Variants in CDC14B observed in about 807,000 individuals in gnomAD.
The protein encoded by CDC14B is cell division cycle 14B, also known as dual specificity protein phosphatase CDC14B.
Under a neutral mutation model 64.2 loss-of-function variants are expected in CDC14B, and 22 were observed. The observed-to-expected ratio is 0.34, with a 90% CI of 0.24 to 0.49. The LOEUF (loss-of-function observed/expected upper bound fraction) is 0.49. Ranked by LOEUF, CDC14B falls within the 20% of genes least tolerant of loss-of-function variation. CDC14B has a pLI of 0.99. For missense variants in CDC14B, 498 were observed against 629.9 expected, an observed-to-expected ratio of 0.79 and a Z score of 2.24; for synonymous variants, 191 against 215.8, an observed-to-expected ratio of 0.89 and a Z score of 1.01.
At chr9:96,505,622 T>C (rs994489119) in intron 13 of CDC14B, among the ~76,000 whole-genome samples, 1 of 149,762 alleles carries the variant, frequency 6.7e-6, no homozygotes, top group Non-Finnish European at 1.5e-5. Flanking sequence ...ATTCACTGGA[T>C]TTATTAATTC....
At chr9:96,543,669 T>G (rs959520976) in intron 5 of CDC14B, among the ~76,000 whole-genome samples, 6 of 152,328 alleles carry the variant, frequency 3.9e-5, no homozygotes, top group African/African-American at 1.4e-4. Flanking sequence ...GCTTCTCCTT[T>G]TTGGCTACCT....
chr9:96,618,400 C>T (rs1417684819), intron 1 of CDC14B: 1 of 488,666 alleles, frequency 2.0e-6, no homozygotes, highest in Non-Finnish European at 4.2e-6. Flanking sequence ...CTGTCAATCC[C>T]AGCAAACCTA....
At chr9:96,549,456 A>C (rs1841473098) in intron 5 of CDC14B, among the ~76,000 whole-genome samples, 1 of 151,984 alleles carries the variant, frequency 6.6e-6, no homozygotes, top group Admixed American at 6.6e-5. Context: ...CATGAGGTCA[A>C]GAGATCAAGA....
intron 4 of CDC14B, among the ~76,000 whole-genome samples, chr9:96,562,043 T>C (rs991115987): frequency 6.6e-6 from 1 of 152,172 alleles, no homozygotes; most frequent in African/African-American, 2.4e-5. Flanking sequence ...TTCCATCATA[T>C]TTACAAATAA....
At chr9:96,573,572 A>G (rs1419075961) in intron 1 of CDC14B, among the ~76,000 whole-genome samples, 1 of 152,242 alleles carries the variant, frequency 6.6e-6, no homozygotes, top group African/African-American at 2.4e-5. Flanking sequence ...AAGAAATGCA[A>G]TTCGAATCAA....
intron 1 of CDC14B, among the ~76,000 whole-genome samples, chr9:96,606,295 T>C (rs1336748997): frequency 8.2e-6 from 1 of 122,098 alleles, no homozygotes; most frequent in Admixed American, 1.1e-4. Context: ...ATCGCACAAC[T>C]GCACTCCAGC....
intron 5 of CDC14B, among the ~76,000 whole-genome samples, chr9:96,544,001 G>T (rs1312156708): frequency 6.6e-6 from 1 of 151,942 alleles, no homozygotes; most frequent in South Asian, 2.1e-4. Flanking sequence ...GGTGGATCAC[G>T]AGGTCAAGAG....
At chr9:96,507,924 G>T (rs1266511663) in intron 13 of CDC14B, among the ~76,000 whole-genome samples, 1 of 151,896 alleles carries the variant, frequency 6.6e-6, no homozygotes, top group Non-Finnish European at 1.5e-5. Context: ...AAATACAGAT[G>T]TATTGTAGGT....
At chr9:96,617,887 C>G (rs1205409111) in intron 1 of CDC14B, among the ~76,000 whole-genome samples, 2 of 152,194 alleles carry the variant, frequency 1.3e-5, no homozygotes, top group Non-Finnish European at 2.9e-5. Flanking sequence ...TAGGCCCACC[C>G]GTTCCCAGCC....
chr9:96,583,443 C>G (rs920293930), intron 1 of CDC14B, among the ~76,000 whole-genome samples: 3 of 149,698 alleles, frequency 2.0e-5, no homozygotes, highest in African/African-American at 7.3e-5. Context: ...GTAGCCCAGG[C>G]TGGAGTGCAA....
chr9:96,587,970 C>T (rs1291028131), intron 1 of CDC14B, among the ~76,000 whole-genome samples: 1 of 152,088 alleles, frequency 6.6e-6, no homozygotes, highest in East Asian at 1.9e-4. Context: ...GACTTCCAGA[C>T]TGCCTACTTT....
chr9:96,566,794 GC>G, intron 1 of CDC14B: 2 of 1,607,096 alleles, frequency 1.2e-6, no homozygotes, highest in Middle Eastern at 1.7e-4. Flanking sequence ...TACCAAAGCT[GC>G]CCCCGCGCCC....
At chr9:96,533,243 A>C (rs1453771214) in intron 9 of CDC14B, among the ~76,000 whole-genome samples, 1 of 152,252 alleles carries the variant, frequency 6.6e-6, no homozygotes, top group Non-Finnish European at 1.5e-5. Flanking sequence ...TGCTGGGATT[A>C]TAGGCGTGAG....
intron 4 of CDC14B, among the ~76,000 whole-genome samples, chr9:96,560,647 G>A (rs1273326746): frequency 6.9e-6 from 1 of 145,356 alleles, no homozygotes. Context: ...GCTGTGGTGC[G>A]ATCTCGGCTC....
chr9:96,512,326 CTTTTTTTT>C (rs776677638), intron 12 of CDC14B, among the ~76,000 whole-genome samples: 1 of 132,092 alleles, frequency 7.6e-6, no homozygotes, highest in African/African-American at 2.7e-5. Flanking sequence ...AATTTTTTTT[CTTTTTTTT>C]TTTTTTTTTA....
intron 9 of CDC14B, among the ~76,000 whole-genome samples, chr9:96,528,519 C>A (rs1295597692): frequency 1.4e-5 from 2 of 145,750 alleles, no homozygotes; most frequent in African/African-American, 5.6e-5. Flanking sequence ...GAAAGTCCAT[C>A]TCAAAAAAAA....
At chr9:96,589,680 C>T (rs1046238657) in intron 1 of CDC14B, among the ~76,000 whole-genome samples, 3 of 151,964 alleles carry the variant, frequency 2.0e-5, no homozygotes, top group Non-Finnish European at 4.4e-5. Context: ...GTTTTTAGGC[C>T]GGGCACGGTG....
intron 1 of CDC14B, among the ~76,000 whole-genome samples, chr9:96,606,055 C>T (rs933512441): frequency 6.6e-6 from 1 of 151,486 alleles, no homozygotes; most frequent in East Asian, 1.9e-4. Context: ...ATTTGCTGCC[C>T]GGGAATGGTG....
intron 1 of CDC14B, among the ~76,000 whole-genome samples, chr9:96,603,332 T>A (rs1846635206): frequency 6.6e-6 from 1 of 151,974 alleles, no homozygotes. Context: ...CATGCATATA[T>A]TACCTATTAA....
Sources: allele counts gnomAD v4.1 joint callset (sites outside exome capture counted in the v4.1 genomes callset), GRCh38; gene constraint gnomAD v4.1.1; transcripts MANE v1.5; gene names NCBI Gene and HGNC (gene_info 2026-07-23, HGNC 2026-07-21).